TEAD1: variants seen among roughly 807,000 people sequenced by gnomAD.
TEAD1 encodes TEA domain transcription factor 1.
In TEAD1, 9 loss-of-function variants were observed where a neutral mutation model predicts 54.9. That is an observed-to-expected ratio of 0.16 (90% confidence interval 0.10 to 0.29). The LOEUF is 0.29. TEAD1 is among the 10% of genes least tolerant of loss of function. The pLI, the probability that TEAD1 is intolerant of heterozygous loss-of-function variation, is 1.00. For synonymous variants in TEAD1, 200 were observed against 187.8 expected (o/e 1.07, Z -0.53); for missense variants, 387 against 535.9 (o/e 0.72, Z 2.74).
At chr11:12,886,048 CAG>C (rs1273432329) in intron 9 of TEAD1, among the ~76,000 whole-genome samples, 4 of 152,196 alleles carry the variant, frequency 2.6e-5, no homozygotes, top group African/African-American at 9.7e-5. Flanking sequence ...CTGTGAGTAA[CAG>C]GAAACAGGGC....
intron 10 of TEAD1, among the ~76,000 whole-genome samples, chr11:12,911,746 A>G (rs928296735): frequency 1.3e-5 from 2 of 151,608 alleles, no homozygotes; most frequent in African/African-American, 4.9e-5. Flanking sequence ...AGAGAAATCA[A>G]TACATTTGTA....
At chr11:12,687,285 C>G (rs1219844084) in intron 2 of TEAD1, among the ~76,000 whole-genome samples, 3 of 152,200 alleles carry the variant, frequency 2.0e-5, no homozygotes, top group African/African-American at 7.2e-5. Flanking sequence ...CCATCCATAA[C>G]CCTCAAAGAC....
chr11:12,740,490 G>A (rs1019884323), intron 2 of TEAD1, among the ~76,000 whole-genome samples: 1 of 152,190 alleles, frequency 6.6e-6, no homozygotes, highest in Non-Finnish European at 1.5e-5. Flanking sequence ...ATAGTGCTAT[G>A]AAGACATACC....
intron 8 of TEAD1, among the ~76,000 whole-genome samples, chr11:12,882,251 C>T (rs1947988256): frequency 1.3e-5 from 2 of 152,152 alleles, no homozygotes; most frequent in South Asian, 4.1e-4. Context: ...GCATCTTCCT[C>T]AATATAAACT....
At chr11:12,677,147 G>A in intron 2 of TEAD1, among the ~76,000 whole-genome samples, 1 of 152,064 alleles carries the variant, frequency 6.6e-6, no homozygotes, top group East Asian at 1.9e-4. Flanking sequence ...TTATTGGAGG[G>A]TTGGAGGGTT....
At chr11:12,738,248 A>T (rs1047203759) in intron 2 of TEAD1, among the ~76,000 whole-genome samples, 1 of 152,212 alleles carries the variant, frequency 6.6e-6, no homozygotes, top group African/African-American at 2.4e-5. Flanking sequence ...GCCTTAAAGC[A>T]TGGAAAATGG....
At chr11:12,832,060 G>T (rs191901932) in intron 3 of TEAD1, among the ~76,000 whole-genome samples, 1 of 151,990 alleles carries the variant, frequency 6.6e-6, no homozygotes, top group African/African-American at 2.4e-5. Flanking sequence ...TTCACACCAC[G>T]TCTCTGACTC....
At chr11:12,850,084 T>C (rs1947240550) in intron 3 of TEAD1, among the ~76,000 whole-genome samples, 1 of 152,226 alleles carries the variant, frequency 6.6e-6, no homozygotes, top group African/African-American at 2.4e-5. Context: ...TTTAGGACCC[T>C]ATATATCAGT....
rs551330527 is a variant in TEAD1, at chr11:12,802,322, A to C, written c.202+37888A>C. On this transcript the variant is annotated intron_variant, in intron 3 of 12. Transcript: ENST00000527636. ...TGACCACAATGTGTGTGGGACTTCGAAATATGGAATAATGATGGGTTTTAT... is the reference window on the plus strand; with the variant it reads ...TGACCACAATGTGTGTGGGACTTCGCAATATGGAATAATGATGGGTTTTAT... Among the ~76,000 whole-genome samples, 46 of 152,316 alleles carry C rather than the reference A, an allele frequency of 3.0e-4. 2 individuals carry two copies. In the South Asian group the frequency reaches 8.7e-3, roughly 29 times the overall value.
chr11:12,765,190 G>A (rs1403392335), intron 3 of TEAD1, among the ~76,000 whole-genome samples: 1 of 152,128 alleles, frequency 6.6e-6, no homozygotes, highest in Non-Finnish European at 1.5e-5. Context: ...GCAGCAGCAA[G>A]GATCCACCTG....
chr11:12,931,693 G>C (rs185810450), intron 12 of TEAD1, among the ~76,000 whole-genome samples: 1 of 152,008 alleles, frequency 6.6e-6, no homozygotes, highest in East Asian at 1.9e-4. Flanking sequence ...TCAAGCTACC[G>C]ATAGCTATTC....
At chr11:12,877,705 CT>C (rs944352750) in intron 5 of TEAD1, among the ~76,000 whole-genome samples, 5 of 151,292 alleles carry the variant, frequency 3.3e-5, no homozygotes, top group African/African-American at 9.7e-5. Context: ...GCTCCGTTTT[CT>C]TTTTCCCCCC....
chr11:12,882,154 CTTTTCAGATGGTTTG>C (rs1287970430), intron 8 of TEAD1, among the ~76,000 whole-genome samples, 197 bp downstream of exon 8: 1 of 152,202 alleles, frequency 6.6e-6, no homozygotes, highest in Non-Finnish European at 1.5e-5. Flanking sequence ...CTCCCAAGAG[CTTTTCAGATGGTTTG>C]TTTAAGAAAC....
In TEAD1 at chr11:12,722,514, A is replaced by G. The variant is rs192346564; in HGVS notation, c.-54-41665A>G. ...ATGGTTGGAAAGACCCAGGCAGAGT[A>G]TAGGATAGAGACTCTAGGGCTAGGT... On this transcript the variant is annotated intron_variant, in intron 2 of 12. Transcript: ENST00000527636. Among the ~76,000 whole-genome samples the G allele has an allele frequency of 2.6e-3, 391 of 152,336 alleles. 5 individuals are homozygous for G. Among genetic ancestry groups the G allele is most frequent in the African/African-American group, 8.9e-3 (371 of 41,570 alleles).
intron 2 of TEAD1, among the ~76,000 whole-genome samples, chr11:12,693,507 AG>A (rs1943508741): frequency 6.6e-6 from 1 of 152,242 alleles, no homozygotes; most frequent in African/African-American, 2.4e-5. Context: ...TTTTACATCT[AG>A]GGGAATGACA....
chr11:12,864,617 T>TTTTTGTTTTGTTTTGTTTTGTTTTG (rs78050843), intron 4 of TEAD1: 214 of 954,890 alleles, frequency 2.2e-4, no homozygotes, highest in African/African-American at 1.7e-3. Flanking sequence ...TTGATTTCCT[T>TTTTTGTTTTGTTTTGTTTTGTTTTG]TTTTGTTTTG....
At chr11:12,715,539 C>A (rs1479884251) in intron 2 of TEAD1, among the ~76,000 whole-genome samples, 1 of 151,938 alleles carries the variant, frequency 6.6e-6, no homozygotes, top group Admixed American at 6.6e-5. Flanking sequence ...TTCTGGAAGC[C>A]GCAGCAGGCT....
intron 2 of TEAD1, among the ~76,000 whole-genome samples, chr11:12,688,587 T>C (rs927911337): frequency 6.6e-6 from 1 of 152,226 alleles, no homozygotes; most frequent in Non-Finnish European, 1.5e-5. Flanking sequence ...CAGTTCTTAC[T>C]AGTGCTTGGT....
chr11:12,866,617 G>T (rs11022518), intron 5 of TEAD1, among the ~76,000 whole-genome samples: 42,611 of 152,086 alleles, frequency 0.28, 6,181 homozygotes, highest in South Asian at 0.33. Context: ...CTGACTTTCA[G>T]CCCTGGGCCA....
Sources: allele counts gnomAD v4.1 joint callset (sites outside exome capture counted in the v4.1 genomes callset), GRCh38; gene constraint gnomAD v4.1.1; transcripts MANE v1.5; gene names NCBI Gene and HGNC (gene_info 2026-07-23, HGNC 2026-07-21).